SH3PXD2A: variants seen among roughly 807,000 people sequenced by gnomAD.
The protein encoded by SH3PXD2A is SH3 and PX domain-containing protein 2A.
In SH3PXD2A, 32 loss-of-function variants were observed where a neutral mutation model predicts 115.2. That is an observed-to-expected ratio of 0.28 (90% CI 0.21 to 0.37). SH3PXD2A has a LOEUF of 0.37. SH3PXD2A is among the 10% of genes least tolerant of loss of function. The pLI, the probability that SH3PXD2A is intolerant of heterozygous loss-of-function variation, is 1.00. For synonymous variants in SH3PXD2A, 610 were observed against 629.1 expected (o/e 0.97, Z 0.45); for missense variants, 1,328 against 1,498.7 (o/e 0.89, Z 1.88).
intron 3 of SH3PXD2A, chr10:103,736,721 G>A (rs1204651957): frequency 4.0e-6 from 5 of 1,254,990 alleles, no homozygotes; most frequent in East Asian, 1.1e-4. Context: ...TCTGCTGTGA[G>A]TTATAGCACT....
chr10:103,781,571 A>T (rs190487737), intron 2 of SH3PXD2A, among the ~76,000 whole-genome samples: 25 of 152,364 alleles, frequency 1.6e-4, no homozygotes, highest in Non-Finnish European at 2.9e-4. Flanking sequence ...ATCAAGGTCT[A>T]TTGAAACAAA....
chr10:103,692,974 C>T, intron 6 of SH3PXD2A, 54 bp downstream of exon 6: 3 of 1,485,262 alleles, frequency 2.0e-6, no homozygotes, highest in South Asian at 1.1e-5. Flanking sequence ...CGGAGGGGCG[C>T]GTGCACGAAG....
intron 6 of SH3PXD2A, among the ~76,000 whole-genome samples, chr10:103,668,863 C>T (rs911192343): frequency 6.6e-6 from 1 of 152,232 alleles, no homozygotes; most frequent in South Asian, 2.1e-4. Context: ...GGGACACAGC[C>T]GGCTGGGACA....
intron 9 of SH3PXD2A, among the ~76,000 whole-genome samples, chr10:103,625,867 GA>G (rs2036684060): frequency 6.6e-6 from 1 of 152,248 alleles, no homozygotes; most frequent in African/African-American, 2.4e-5. Flanking sequence ...TTCAGCCTAG[GA>G]GACAGAGCAA....
intron 3 of SH3PXD2A, among the ~76,000 whole-genome samples, chr10:103,749,002 C>T (rs1203389455): frequency 6.6e-6 from 1 of 151,916 alleles, no homozygotes; most frequent in Non-Finnish European, 1.5e-5. Flanking sequence ...CAGAGTCTCG[C>T]TCTGTTACCT....
intron 6 of SH3PXD2A, among the ~76,000 whole-genome samples, chr10:103,682,743 C>T (rs1289382465): frequency 7.4e-6 from 1 of 134,918 alleles, no homozygotes; most frequent in Admixed American, 7.8e-5. Context: ...GGCAACAGAG[C>T]CAGATTCCGT....
Position 103,735,821 on chromosome 10 carries a change from T to C in SH3PXD2A, c.230-13A>G, listed in dbSNP as rs764331680. On this transcript the variant is annotated splice_polypyrimidine_tract_variant and intron_variant, in intron 3 of 14. Transcript: ENST00000369774. Reference sequence around the variant, plus strand: ...AAGAGGATCTTGCCTGGAAGAGAGATGCTCATGAGTGGGGGATTCTGGCTA... The same window carrying C: ...AAGAGGATCTTGCCTGGAAGAGAGACGCTCATGAGTGGGGGATTCTGGCTA... The C allele has an allele frequency of 6.8e-6, 11 of 1,609,822 alleles. No homozygotes were observed. The highest frequency in any genetic ancestry group is 7.7e-6 in the Non-Finnish European group (9 of 1,176,198).
intron 3 of SH3PXD2A, among the ~76,000 whole-genome samples, chr10:103,740,103 C>T (rs1308687612): frequency 6.6e-6 from 1 of 152,218 alleles, no homozygotes; most frequent in East Asian, 1.9e-4. Flanking sequence ...TAGCTAAGCG[C>T]TCAGCACACA....
chr10:103,814,372 G>A (rs1037399457), intron 1 of SH3PXD2A, among the ~76,000 whole-genome samples: 1 of 152,176 alleles, frequency 6.6e-6, no homozygotes, highest in Admixed American at 6.5e-5. Context: ...AGGTATTTAA[G>A]AGACATACGA....
At chr10:103,644,364 G>GA (rs1290566802) in intron 8 of SH3PXD2A, among the ~76,000 whole-genome samples, 2 of 152,082 alleles carry the variant, frequency 1.3e-5, no homozygotes, top group African/African-American at 4.8e-5. Flanking sequence ...CAGATCGTTT[G>GA]AGTCCAGGTG....
chr10:103,728,842 C>T (rs530206056), intron 4 of SH3PXD2A, among the ~76,000 whole-genome samples: 1 of 151,752 alleles, frequency 6.6e-6, no homozygotes, highest in South Asian at 2.1e-4. Flanking sequence ...ACATAATTCC[C>T]TGAGGCCTCA....
chr10:103,802,082 G>T (rs532242747), intron 1 of SH3PXD2A, among the ~76,000 whole-genome samples: 1 of 152,190 alleles, frequency 6.6e-6, no homozygotes, highest in Non-Finnish European at 1.5e-5. Context: ...GAAATTGCAG[G>T]TGGACCCCGC....
chr10:103,785,664 G>A (rs2038973754), intron 2 of SH3PXD2A, among the ~76,000 whole-genome samples: 1 of 152,078 alleles, frequency 6.6e-6, no homozygotes, highest in Non-Finnish European at 1.5e-5. Context: ...CTGTACGTGA[G>A]CCACTCTCGG....
rs1423654680 is a variant in SH3PXD2A at position 103,611,593 on chromosome 10, T to C, written c.1296A>G (p.Arg432=). 1 of 1,614,024 alleles carries C rather than the reference T, an allele frequency of 6.2e-7. No individual in the cohort carries two copies. Among genetic ancestry groups the C allele is most frequent in the East Asian group, 2.2e-5 (1 of 44,882 alleles). The change falls in exon 13 of 15, where the codon AGA becomes AGG. Residue 432 remains arginine, a synonymous_variant. Coordinates refer to ENST00000369774, the MANE Select transcript of SH3PXD2A (RefSeq NM_001394015.1). ...PNLRTRPPPR[R]ESSLGFQLPK... ...TCAGTACACATACCAGGCTGGATTCTCTGCGTGGTGGAGGTCTTGTCCGTA... is the reference window on the plus strand; with the variant it reads ...TCAGTACACATACCAGGCTGGATTCCCTGCGTGGTGGAGGTCTTGTCCGTA...
chr10:103,616,010 C>T (rs1490396550), intron 11 of SH3PXD2A, among the ~76,000 whole-genome samples: 1 of 118,926 alleles, frequency 8.4e-6, no homozygotes, highest in African/African-American at 3.3e-5. Context: ...CTGATATGCA[C>T]CAGGGCTCCG....
At chr10:103,611,797 CT>C (rs995301909) in intron 12 of SH3PXD2A, among the ~76,000 whole-genome samples, 167 bp from the exon 13 acceptor site, 1 of 152,130 alleles carries the variant, frequency 6.6e-6, no homozygotes, top group Admixed American at 6.5e-5. Flanking sequence ...TGTGGTTGGG[CT>C]TTTTCAAGGG....
chr10:103,704,002 G>T (rs1293799762), intron 5 of SH3PXD2A, among the ~76,000 whole-genome samples: 1 of 152,132 alleles, frequency 6.6e-6, no homozygotes, highest in Admixed American at 6.5e-5. Flanking sequence ...GATTGCTGGG[G>T]GATAAACAAG....
intron 8 of SH3PXD2A, among the ~76,000 whole-genome samples, chr10:103,656,270 T>A (rs2037210343): frequency 6.6e-6 from 1 of 152,224 alleles, no homozygotes; most frequent in Admixed American, 6.5e-5. Flanking sequence ...GTGATGGTTC[T>A]CCAGGACACA....
At chr10:103,675,563 AGAG>A (rs1171993921) in intron 6 of SH3PXD2A, among the ~76,000 whole-genome samples, 16 of 152,206 alleles carry the variant, frequency 1.1e-4, no homozygotes, top group African/African-American at 3.1e-4. Context: ...TCAGAACCAG[AGAG>A]GAGAAGAGAC....
Sources: allele counts gnomAD v4.1 joint callset (sites outside exome capture counted in the v4.1 genomes callset), GRCh38; gene constraint gnomAD v4.1.1; transcripts MANE v1.5; gene names NCBI Gene and HGNC (gene_info 2026-07-23, HGNC 2026-07-21).